NUP155: variants seen among roughly 807,000 people sequenced by gnomAD.
The protein encoded by NUP155 is nucleoporin 155, also known as nuclear pore complex protein Nup155.
Under a neutral mutation model 180.4 loss-of-function variants are expected in NUP155, and 71 were observed. That is an observed-to-expected ratio of 0.39 (90% confidence interval 0.33 to 0.48). The LOEUF is 0.48. NUP155 is among the 20% of genes least tolerant of loss of function. The pLI is 0.91. For missense variants in NUP155, 1,553 were observed against 1,648.9 expected, an observed-to-expected ratio of 0.94 and a Z score of 1.01; for synonymous variants, 582 against 559.5, an observed-to-expected ratio of 1.04 and a Z score of -0.57.
rs1743558920 is a variant in NUP155 at position 37,311,982 on chromosome 5, C to T, written c.2437-1239G>A. ...GTTACAGTGATCTCAGATTGCTCCA[C>T]AGCACTCCAGCCTGGGTGACAGAAT... On this transcript the variant is annotated intron_variant, in intron 22 of 34. Coordinates refer to ENST00000231498, the MANE Select transcript of NUP155 (RefSeq NM_153485.3). 2.0e-5 allele frequency among the ~76,000 whole-genome samples: 3 copies of T among 152,132 alleles called. No homozygotes were observed. The South Asian group carries it at 6.2e-4, about 32-fold the overall frequency.
chr5:37,365,456 C>T (rs2111735251), intron 1 of NUP155, among the ~76,000 whole-genome samples: 1 of 151,568 alleles, frequency 6.6e-6, no homozygotes, highest in Admixed American at 6.6e-5. Flanking sequence ...GCCTGTAATC[C>T]CAGCACTTTG....
At chr5:37,311,875 G>A (rs1028395964) in intron 22 of NUP155, among the ~76,000 whole-genome samples, 1 of 152,078 alleles carries the variant, frequency 6.6e-6, no homozygotes, top group Non-Finnish European at 1.5e-5. Context: ...ACAAAAATCA[G>A]CCAGGCGTTG....
At chr5:37,313,694 G>A (rs1743679357) in intron 22 of NUP155, among the ~76,000 whole-genome samples, 1 of 152,034 alleles carries the variant, frequency 6.6e-6, no homozygotes, top group Admixed American at 6.6e-5. Flanking sequence ...AGTAGAGATG[G>A]GTCCTGACAT....
chr5:37,328,798 C>T (rs1455802086), intron 16 of NUP155, among the ~76,000 whole-genome samples: 2 of 152,180 alleles, frequency 1.3e-5, no homozygotes, highest in Non-Finnish European at 2.9e-5. Flanking sequence ...AGCCATTGTG[C>T]CTGGCCACAG....
chr5:37,354,283 A>C (rs893003634), intron 4 of NUP155, among the ~76,000 whole-genome samples: 2 of 151,764 alleles, frequency 1.3e-5, no homozygotes, highest in Admixed American at 1.3e-4. Flanking sequence ...AGTAGGTGAG[A>C]TTACAGGCAT....
At chr5:37,362,142 T>C (rs944463559) in intron 3 of NUP155, among the ~76,000 whole-genome samples, 2 of 152,140 alleles carry the variant, frequency 1.3e-5, no homozygotes, top group East Asian at 1.9e-4. Context: ...CACAGTAAGG[T>C]AGGACTGTTT....
In NUP155 at chr5:37,327,615, C is replaced by T; in HGVS notation, c.2024+14G>A. 1 of 1,613,808 alleles carries T rather than the reference C, an allele frequency of 6.2e-7. No homozygotes were observed. The highest frequency in any genetic ancestry group is 8.5e-7 in the Non-Finnish European group (1 of 1,179,768). On this transcript the variant is annotated intron_variant, in intron 18 of 34. Coordinates refer to ENST00000231498, the MANE Select transcript of NUP155 (RefSeq NM_153485.3). ...CAAGGTGAGCAATAATTCATTATTT[C>T]ATGACAAACTTACCCCATGATCCGA...
intron 5 of NUP155, among the ~76,000 whole-genome samples, chr5:37,351,891 TGTGC>T (rs1425403051): frequency 4.2e-4 from 64 of 151,282 alleles, no homozygotes; most frequent in African/African-American, 1.5e-3. Flanking sequence ...TGTGTGTGTG[TGTGC>T]CTGTGTGTTT....
rs1742755872 is a variant in NUP155 at position 37,299,564 on chromosome 5, T to C, written c.3566A>G (p.Tyr1189Cys). 6.2e-7 allele frequency: 1 copy of C among 1,613,986 alleles called. No homozygotes were observed. Among genetic ancestry groups the C allele is most frequent in the African/African-American group, 1.3e-5 (1 of 75,012 alleles). ...DSELMDITKL[Y>C]GEFADPFKLA... ...TTTAAATGGGTCAGCAAATTCCCCATAAAGCTGTGAGAGAAAATCCCAAAA... is the reference window on the plus strand; with the variant it reads ...TTTAAATGGGTCAGCAAATTCCCCACAAAGCTGTGAGAGAAAATCCCAAAA... Residue 1189 changes from tyrosine to cysteine, a missense_variant, in exon 31 of 35, where the codon TAT becomes TGT. Tyr to Cys is a radical substitution (Grantham distance 194). Coordinates refer to ENST00000231498, the MANE Select transcript of NUP155 (RefSeq NM_153485.3).
intron 30 of NUP155, among the ~76,000 whole-genome samples, chr5:37,300,694 T>C (rs1036342164): frequency 3.9e-5 from 6 of 152,136 alleles, no homozygotes; most frequent in African/African-American, 1.4e-4. Context: ...TCTCACTCTG[T>C]CACTCAGGCT....
chr5:37,352,637 C>T, intron 5 of NUP155, 100 bp downstream of exon 5: 5 of 760,600 alleles, frequency 6.6e-6, no homozygotes, highest in African/African-American at 1.7e-5. Flanking sequence ...TAATGTGAGT[C>T]AATGGAATTC....
intron 23 of NUP155, chr5:37,309,478 G>C (rs572292136): frequency 2.0e-4 from 103 of 524,460 alleles, no homozygotes; most frequent in Non-Finnish European, 3.1e-4. Context: ...AATATGTTAA[G>C]CAAGAGAACT....
Position 37,350,336 on chromosome 5 carries a change from T to C in NUP155, c.724-71A>G, listed in dbSNP as rs973045830. ...CCTTACAATAACTACTGTATATCCA[T>C]ATTTATAAAAACCTTCAAATCTTCA... On this transcript the variant is annotated intron_variant, in intron 6 of 34. Coordinates refer to ENST00000231498, the MANE Select transcript of NUP155 (RefSeq NM_153485.3). 1.1e-5 allele frequency: 11 copies of C among 976,014 alleles called. 1 individual carries two copies. The highest frequency in any genetic ancestry group is 5.4e-5 in the South Asian group (4 of 73,516). The allele number at this position is 976,014 out of a possible 1,614,324, so 60.5% of individuals were successfully genotyped here.
intron 3 of NUP155, among the ~76,000 whole-genome samples, chr5:37,360,337 T>A (rs572401835): frequency 2.6e-5 from 4 of 151,356 alleles, no homozygotes; most frequent in Non-Finnish European, 4.4e-5. Flanking sequence ...AAAAAAAAAT[T>A]AGCTGGCCAT....
chr5:37,292,018 C>G lies in NUP155; in HGVS notation c.4058G>C (p.Cys1353Ser). The G allele has an allele frequency of 6.2e-7, 1 of 1,614,084 alleles. No individual in the cohort carries two copies. The highest frequency in any genetic ancestry group is 1.7e-5 in the Admixed American group (1 of 60,016). ...AAGGTAACCACAAACAGCATCCAGG[C>G]AGAGATTTGTAAATCTTCTCCTACA... ...NCERRRFTNL[C>S]LDAVCGYLVE... The change falls in exon 35 of 35, where the codon TGC becomes TCC. Residue 1353 changes from cysteine to serine, a missense_variant. Physicochemically the swap from Cys to Ser is moderately radical, Grantham distance 112. Transcript: ENST00000231498.
rs772481531 is a variant in NUP155, at chr5:37,299,521, A to C, written c.3609T>G (p.Leu1203=). The C allele has an allele frequency of 2.4e-5, 38 of 1,614,132 alleles. No individual in the cohort carries two copies. In the South Asian group the frequency reaches 3.5e-4, roughly 15 times the overall value. The change falls in exon 31 of 35, where the codon CTT becomes CTG. Residue 1203 remains leucine (L), a synonymous_variant. Transcript: ENST00000231498. ...AATAACCGGCACAATGAATTATTGC[A>C]AGTTTGCACTCTGCAAGTTTAAATG... ...ADPFKLAECK[L]AIIHCAGYSD...
chr5:37,355,607 C>T (rs1371104789), intron 4 of NUP155, among the ~76,000 whole-genome samples: 1 of 150,164 alleles, frequency 6.7e-6, no homozygotes, highest in Non-Finnish European at 1.5e-5. Flanking sequence ...GAGGCGATGT[C>T]TCACTCTGTT....
Position 37,302,627 on chromosome 5 carries a change from T to C in NUP155, c.3447+152A>G. The C allele has an allele frequency of 4.0e-6, 3 of 755,864 alleles. 1 individual carries two copies. The highest frequency in any genetic ancestry group is 3.5e-5 in the South Asian group (2 of 57,504). 46.8% of individuals were successfully genotyped at this position (755,864 alleles called of 1,614,324 possible). On this transcript the variant is annotated intron_variant, in intron 29 of 34. Transcript: ENST00000231498. ...CATCCTTAAAAATCTTTAAGATTTA[T>C]ATCTAAACATAAAAATAAATATAAA...
chr5:37,335,030 C>T (rs978926015), intron 12 of NUP155, among the ~76,000 whole-genome samples: 29 of 151,956 alleles, frequency 1.9e-4, no homozygotes, highest in Admixed American at 7.2e-4. Context: ...TGGTGGCACA[C>T]GCCTGTAATC....
Sources: gnomAD v4.1 joint callset for allele counts (sites outside exome capture counted in the v4.1 genomes callset) on GRCh38, gnomAD v4.1.1 for gene constraint, MANE v1.5 for transcripts, NCBI Gene and HGNC (gene_info 2026-07-23, HGNC 2026-07-21) for gene names.